Variants in STX2 observed in about 807,000 individuals in gnomAD.
STX2 encodes the protein syntaxin 2.
Under a neutral mutation model 40.6 loss-of-function variants are expected in STX2, and 27 were observed. The ratio of observed to expected loss-of-function variants is 0.66; its 90% CI spans 0.49 to 0.92. The LOEUF is 0.92. Ranked by LOEUF, STX2 falls within the 40% of genes least tolerant of loss-of-function variation. STX2 has a pLI of 0.00. For missense variants in STX2, 328 were observed against 366.1 expected, an observed-to-expected ratio of 0.90 and a Z score of 0.85; for synonymous variants, 123 against 119.1, an observed-to-expected ratio of 1.03 and a Z score of -0.22.
chr12:130,821,182 T>G (rs544868019), intron 3 of STX2, among the ~76,000 whole-genome samples: 1 of 152,190 alleles, frequency 6.6e-6, no homozygotes, highest in Non-Finnish European at 1.5e-5. Context: ...CAGGGAGAAT[T>G]TGGATAAACA....
chr12:130,831,613 TAG>T (rs1952560528), intron 1 of STX2, among the ~76,000 whole-genome samples: 3 of 152,148 alleles, frequency 2.0e-5, no homozygotes, highest in Admixed American at 1.3e-4. Flanking sequence ...AGCCTGGCGA[TAG>T]AGAGGGACTT....
Position 130,817,936 on chromosome 12 carries a change from G to A in STX2, c.205+3753C>T, listed in dbSNP as rs533243036. Among the ~76,000 whole-genome samples the A allele has an allele frequency of 2.6e-5, 4 of 151,920 alleles. No homozygotes were observed. In the South Asian group the frequency reaches 8.3e-4, roughly 32 times the overall value. ...GCAAGGGCAGGAAGGCCTCGGGTGG[G>A]GTGGTCCCAGCCTGTGGTGGGGGCA... is the stretch of plus-strand genomic sequence containing the variant. On this transcript the variant is annotated intron_variant, in intron 3 of 10. Coordinates refer to ENST00000392373, the MANE Select transcript of STX2 (RefSeq NM_194356.4).
intron 9 of STX2, among the ~76,000 whole-genome samples, chr12:130,797,337 A>G (rs1459769986): frequency 1.3e-5 from 2 of 152,194 alleles, no homozygotes; most frequent in African/African-American, 2.4e-5. Context: ...TTATACAGGT[A>G]TCTCTTCACC....
rs1295783686 is a variant in STX2, at chr12:130,789,959, AG to A, written c.*2063del. On this transcript the variant is annotated 3_prime_UTR_variant, in exon 11 of 11. Coordinates refer to ENST00000392373, the MANE Select transcript of STX2 (RefSeq NM_194356.4). Reference sequence around the variant, plus strand: ...AAAATACCATAATAAGTGTTGTAAAAGGGGAGGACTCATATGACAGACCTTG... The same window carrying A: ...AAAATACCATAATAAGTGTTGTAAAAGGGAGGACTCATATGACAGACCTTG... 5 of 152,212 alleles carry A rather than the reference AG, an allele frequency of 3.3e-5. No homozygotes were observed. Among genetic ancestry groups the A allele is most frequent in the Non-Finnish European group, 4.4e-5 (3 of 68,036 alleles). The allele number at this position is 152,212 out of a possible 1,614,324, so 9.4% of individuals were successfully genotyped here. A position where few individuals can be genotyped will look rare whatever the true frequency, so the allele number is the denominator to read the frequency against.
chr12:130,832,942 C>A (rs1952625296), intron 1 of STX2, among the ~76,000 whole-genome samples: 1 of 152,202 alleles, frequency 6.6e-6, no homozygotes, highest in African/African-American at 2.4e-5. Context: ...CCCCCTGACC[C>A]ACCCGGCCAA....
intron 3 of STX2, among the ~76,000 whole-genome samples, chr12:130,818,185 A>AAAAAATAT: frequency 7.1e-5 from 5 of 70,542 alleles, no homozygotes; most frequent in African/African-American, 3.6e-4. Flanking sequence ...AAAAAAAAAA[A>AAAAAATAT]ATATATATAT....
At chr12:130,805,069 T>A (rs1951379902) in intron 6 of STX2, among the ~76,000 whole-genome samples, 4 of 152,202 alleles carry the variant, frequency 2.6e-5, no homozygotes, top group South Asian at 4.1e-4. Flanking sequence ...TCCCAGAGCA[T>A]AAATCCTCAC....
intron 5 of STX2, among the ~76,000 whole-genome samples, chr12:130,807,333 T>A (rs182073724): frequency 6.6e-6 from 1 of 152,260 alleles, no homozygotes; most frequent in Non-Finnish European, 1.5e-5. Context: ...ACCATGACTT[T>A]GAGGTCATTA....
At chr12:130,802,101 C>T (rs1014896094) in intron 6 of STX2, among the ~76,000 whole-genome samples, 5 of 152,222 alleles carry the variant, frequency 3.3e-5, no homozygotes, top group African/African-American at 9.6e-5. Context: ...GTGGAAACAA[C>T]GCAAACGTCC....
At chr12:130,823,767 T>C (rs913469547) in intron 2 of STX2, among the ~76,000 whole-genome samples, 33 of 152,228 alleles carry the variant, frequency 2.2e-4, no homozygotes, top group Non-Finnish European at 7.3e-5. Flanking sequence ...AGCAGGAAAC[T>C]GACACACGGA....
intron 1 of STX2, among the ~76,000 whole-genome samples, chr12:130,835,372 G>A (rs1017052865): frequency 6.6e-6 from 1 of 152,122 alleles, no homozygotes. Flanking sequence ...GGTCTACTAA[G>A]AACACCACAC....
intron 3 of STX2, among the ~76,000 whole-genome samples, chr12:130,815,811 C>A (rs1951836645): frequency 6.6e-6 from 1 of 152,182 alleles, no homozygotes; most frequent in Non-Finnish European, 1.5e-5. Context: ...CTGCACAATA[C>A]AATTTGTACT....
In STX2 at chr12:130,839,201, G is replaced by C. The variant is rs1053098867; in HGVS notation, c.-102C>G. The C allele has an allele frequency of 5.8e-6, 6 of 1,030,016 alleles. No individual in the cohort carries two copies. The highest frequency in any genetic ancestry group is 1.2e-4 in the East Asian group (2 of 16,522). The allele number at this position is 1,030,016 out of a possible 1,614,324, so 63.8% of individuals were successfully genotyped here. On this transcript the variant is annotated 5_prime_UTR_variant, in exon 1 of 11. Coordinates refer to ENST00000392373, the MANE Select transcript of STX2 (RefSeq NM_194356.4). Reference sequence around the variant, plus strand: ...TCTCCGCCTCAGGCCCCGCGGTCCCGGCCCGGCGCCAGCAGCCCTCCCTGG... The same window carrying C: ...TCTCCGCCTCAGGCCCCGCGGTCCCCGCCCGGCGCCAGCAGCCCTCCCTGG...
intron 3 of STX2, among the ~76,000 whole-genome samples, chr12:130,813,744 C>A (rs1366799406): frequency 6.6e-6 from 1 of 151,912 alleles, no homozygotes; most frequent in Admixed American, 6.6e-5. Flanking sequence ...AGGATGTCTG[C>A]TCCATGCCGC....
Position 130,792,186 on chromosome 12 carries a change from G to A in STX2, c.*46-209C>T, listed in dbSNP as rs144459682. The stretch of plus-strand genomic sequence containing the variant: ...AGTGATTCTCCTGCCTCAGCCTCCC[G>A]AGTAGCTGGGACTACAGGAACCCGC... On this transcript the variant is annotated intron_variant, in intron 10 of 10. Transcript: ENST00000392373. 2.2e-4 allele frequency among the ~76,000 whole-genome samples: 34 copies of A among 152,080 alleles called. No homozygotes were observed. The East Asian group carries it at 4.3e-3, about 19-fold the overall frequency.
At chr12:130,805,007 C>A (rs954643800) in intron 6 of STX2, among the ~76,000 whole-genome samples, 1 of 152,082 alleles carries the variant, frequency 6.6e-6, no homozygotes, top group African/African-American at 2.4e-5. Context: ...TGGTGCGGGG[C>A]CTTCAAGCCC....
At chr12:130,814,654 G>C (rs886938487) in intron 3 of STX2, among the ~76,000 whole-genome samples, 5 of 47,636 alleles carry the variant, frequency 1.0e-4, no homozygotes, top group Non-Finnish European at 2.1e-4. Context: ...TTTTTTTTTT[G>C]AGACAGAGTC....
At chr12:130,818,842 CCCCGCCGTCCTGCAGGGGGAAT>C (rs1282134553) in intron 3 of STX2, among the ~76,000 whole-genome samples, 4 of 152,196 alleles carry the variant, frequency 2.6e-5, no homozygotes, top group Non-Finnish European at 5.9e-5. Flanking sequence ...CGAATCAAAT[CCCCGCCGTCCTGCAGGGGGAAT>C]CCCAGCCTCG....
At chr12:130,822,830 G>A (rs1952166110) in intron 2 of STX2, among the ~76,000 whole-genome samples, 1 of 152,172 alleles carries the variant, frequency 6.6e-6, no homozygotes, top group Admixed American at 6.5e-5. Flanking sequence ...TGAGCAGTAG[G>A]ATATAAATAA....
Sources: allele counts gnomAD v4.1 joint callset (sites outside exome capture counted in the v4.1 genomes callset), GRCh38; gene constraint gnomAD v4.1.1; transcripts MANE v1.5; gene names NCBI Gene and HGNC (gene_info 2026-07-23, HGNC 2026-07-21).